The following GFPT1 variants were observed in gnomAD, a reference collection of about 807,000 sequenced individuals.
GFPT1 encodes the protein glutamine--fructose-6-phosphate transaminase 1.
Under a neutral mutation model 92.0 loss-of-function variants are expected in GFPT1, and 40 were observed. The ratio of observed to expected loss-of-function variants is 0.43; its 90% confidence interval spans 0.34 to 0.57. The LOEUF (loss-of-function observed/expected upper bound fraction) is 0.57. Ranked by LOEUF, GFPT1 falls within the 20% of genes least tolerant of loss-of-function variation. The pLI, the probability that GFPT1 is intolerant of heterozygous loss-of-function variation, is 0.02. For synonymous variants in GFPT1, 269 were observed against 280.6 expected, an observed-to-expected ratio of 0.96 and a Z score of 0.41; for missense variants, 448 against 869.1, an observed-to-expected ratio of 0.52 and a Z score of 6.09.
intron 13 of GFPT1, among the ~76,000 whole-genome samples, chr2:69,339,258 T>G (rs114053513): frequency 0.014 from 2,062 of 152,308 alleles, 22 homozygotes; most frequent in Non-Finnish European, 0.021. Flanking sequence ...GTAACAGATG[T>G]ACAAATATAT....
intron 11 of GFPT1, among the ~76,000 whole-genome samples, chr2:69,347,311 T>C (rs1339931661): frequency 6.6e-6 from 1 of 151,558 alleles, no homozygotes; most frequent in African/African-American, 2.4e-5. Flanking sequence ...TTGGCCTCCC[T>C]AAGTGTTGAG....
intron 18 of GFPT1, 59 bp from the exon 19 acceptor site, chr2:69,327,134 G>C: frequency 1.3e-6 from 2 of 1,522,038 alleles, no homozygotes; most frequent in Non-Finnish European, 1.8e-6. Flanking sequence ...CAGGGCTATA[G>C]CTTACGAATG....
intron 9 of GFPT1, among the ~76,000 whole-genome samples, chr2:69,351,853 G>A (rs1282138092): frequency 6.6e-6 from 1 of 152,212 alleles, no homozygotes; most frequent in East Asian, 1.9e-4. Context: ...GGCAGGTTGA[G>A]GGACCTTATT....
At chr2:69,326,818 T>G (rs1470533112) in intron 19 of GFPT1, 96 bp downstream of exon 19, 1 of 1,185,404 alleles carries the variant, frequency 8.4e-7, no homozygotes, top group African/African-American at 1.5e-5. Flanking sequence ...TTTGATAGAT[T>G]TCTCAAACAC....
At chr2:69,364,782 G>A (rs964585576) in intron 3 of GFPT1, among the ~76,000 whole-genome samples, 1 of 151,872 alleles carries the variant, frequency 6.6e-6, no homozygotes, top group Non-Finnish European at 1.5e-5. Context: ...GGGACACAAG[G>A]TCAGGAGTCC....
intron 2 of GFPT1, 30 bp downstream of exon 2, chr2:69,373,976 G>T: frequency 1.0e-6 from 1 of 986,976 alleles, no homozygotes; most frequent in Non-Finnish European, 1.6e-6. Flanking sequence ...AAAGAATCAT[G>T]CAAAATCCAT....
At chr2:69,333,872 T>C (rs2104608606) in intron 15 of GFPT1, among the ~76,000 whole-genome samples, 1 of 152,294 alleles carries the variant, frequency 6.6e-6, no homozygotes, top group East Asian at 1.9e-4. Flanking sequence ...AATAATCAAC[T>C]TTTGGCTGGG....
intron 1 of GFPT1, among the ~76,000 whole-genome samples, chr2:69,384,907 A>G (rs1672097605): frequency 6.6e-6 from 1 of 152,134 alleles, no homozygotes; most frequent in Non-Finnish European, 1.5e-5. Flanking sequence ...TTCTCTGCTC[A>G]GGAATTTTAG....
intron 4 of GFPT1, among the ~76,000 whole-genome samples, chr2:69,363,323 T>G (rs1419406784): frequency 6.6e-6 from 1 of 152,052 alleles, no homozygotes; most frequent in Non-Finnish European, 1.5e-5. Context: ...CGGCTGATCG[T>G]GAACTCCTGG....
Position 69,387,101 on chromosome 2 carries a change from G to C in GFPT1, c.-30C>G. On this transcript the variant is annotated 5_prime_UTR_variant, in exon 1 of 20. Transcript: ENST00000357308. ...CCGGAGACACGGCCCGCGAGGCCAG[G>C]GGCGAGTGGCTGGCGGGATCGGGGG... 6.5e-7 allele frequency: 1 copy of C among 1,531,992 alleles called. No individual in the cohort carries two copies. Among genetic ancestry groups the C allele is most frequent in the African/African-American group, 1.4e-5 (1 of 71,054 alleles). 94.9% of individuals were successfully genotyped at this position (1,531,992 alleles called of 1,614,324 possible). A position where few individuals can be genotyped will look rare whatever the true frequency, so the allele number is the denominator to read the frequency against.
rs781377676 is a variant in GFPT1, at chr2:69,327,014, G to A, written c.1955C>T (p.Thr652Met). 7.4e-6 allele frequency: 12 copies of A among 1,614,014 alleles called. No individual in the cohort carries two copies. The highest frequency in any genetic ancestry group is 3.3e-5 in the Admixed American group (2 of 60,010). Residue 652 changes from threonine to methionine, a missense_variant, in exon 19 of 20, where the codon ACG (threonine) becomes ATG (methionine). Thr to Met is a moderately conservative substitution (Grantham distance 81). Transcript: ENST00000357308. ...DTETIKNTKR[T>M]IKVPHSVDCL... is the part of the protein sequence containing the mutation. ...GTCCACTGAGTGGGGCACCTTGATC[G>A]TTCTTTTTGTGTTCTTAATGGTCTC... is the stretch of plus-strand genomic sequence containing the variant.
In GFPT1 at chr2:69,354,248, G is replaced by C; in HGVS notation, c.739+11C>G. On this transcript the variant is annotated intron_variant, in intron 9 of 19. Coordinates refer to ENST00000357308, the MANE Select transcript of GFPT1 (RefSeq NM_001244710.2). ...AAGATCCTCCCCATCCATGCAGAGT[G>C]CATTTCCCACCTCTTTCTCCCTGTG... The C allele has an allele frequency of 6.4e-7, 1 of 1,563,622 alleles. No individual in the cohort carries two copies. Among genetic ancestry groups the C allele is most frequent in the Non-Finnish European group, 8.7e-7 (1 of 1,152,592 alleles).
intron 3 of GFPT1, among the ~76,000 whole-genome samples, chr2:69,368,516 T>A (rs1275379109): frequency 2.0e-5 from 3 of 152,090 alleles, no homozygotes; most frequent in Non-Finnish European, 4.4e-5. Context: ...TCACTTGAGG[T>A]CAGGAGTTCA....
At chr2:69,331,570 T>C (rs1479428531) in intron 15 of GFPT1, among the ~76,000 whole-genome samples, 4 of 152,162 alleles carry the variant, frequency 2.6e-5, no homozygotes, top group Admixed American at 2.0e-4. Context: ...ATTTTTGGTG[T>C]GATGTAACAA....
intron 1 of GFPT1, among the ~76,000 whole-genome samples, chr2:69,379,647 C>T (rs1307363830): frequency 6.6e-6 from 1 of 152,012 alleles, no homozygotes. Context: ...AAGTGATCCC[C>T]TCATCTCAGC....
chr2:69,347,378 C>G (rs898851935), intron 11 of GFPT1, among the ~76,000 whole-genome samples: 1 of 151,894 alleles, frequency 6.6e-6, no homozygotes, highest in African/African-American at 2.4e-5. Context: ...CTACCACAAT[C>G]CCATCAGAAA....
At chr2:69,338,398 TAGAA>T in intron 14 of GFPT1, 43 bp downstream of exon 14, 1 of 1,521,616 alleles carries the variant, frequency 6.6e-7, no homozygotes, top group Middle Eastern at 1.7e-4. Flanking sequence ...CTAGAATTAT[TAGAA>T]AGAATAACTT....
chr2:69,382,831 A>T (rs4447647), intron 1 of GFPT1, among the ~76,000 whole-genome samples: 150,177 of 152,324 alleles, frequency 0.99, 74,040 homozygotes, highest in East Asian at 1. Flanking sequence ...CTAACACAGA[A>T]ACCCAAACCC....
At chr2:69,332,507 G>A (rs1335170809) in intron 15 of GFPT1, among the ~76,000 whole-genome samples, 4 of 151,204 alleles carry the variant, frequency 2.6e-5, no homozygotes, top group African/African-American at 9.7e-5. Context: ...TAGTAGAGAC[G>A]GGGTTTCACT....
Sources: allele counts gnomAD v4.1 joint callset (sites outside exome capture counted in the v4.1 genomes callset), GRCh38; gene constraint gnomAD v4.1.1; transcripts MANE v1.5; gene names NCBI Gene and HGNC (gene_info 2026-07-23, HGNC 2026-07-21).